The following CEP72 variants were observed in gnomAD, a reference collection of about 807,000 sequenced individuals.
The protein encoded by CEP72 is centrosomal protein 72, also known as centrosomal protein of 72 kDa.
Under a neutral mutation model 65.7 loss-of-function variants are expected in CEP72, and 78 were observed. The observed-to-expected ratio is 1.19, with a 90% CI of 0.99 to 1.43. The LOEUF is 1.43. Among genes scored for constraint, CEP72 ranks in the 40% most tolerant of loss-of-function variants. The probability of loss-of-function intolerance (pLI) is 0.00; values close to 1 mark genes in which losing one functional copy is unlikely to be tolerated. For synonymous variants in CEP72, 358 were observed against 351.7 expected, an observed-to-expected ratio of 1.02 and a Z score of -0.20; for missense variants, 914 against 832.9, an observed-to-expected ratio of 1.10 and a Z score of -1.20.
In CEP72 at chr5:623,968, T is replaced by C. The variant is rs1430543933; in HGVS notation, c.404-503T>C. Among the ~76,000 whole-genome samples the C allele has an allele frequency of 6.6e-6, 1 of 152,134 alleles. No homozygotes were observed. Among genetic ancestry groups the C allele is most frequent in the Admixed American group, 6.5e-5 (1 of 15,278 alleles). ...TTCCAAAGCGCCAAGGTTGAAGGCC[T>C]GGGGACCTTCTTATCTTCAGGGATT... On this transcript the variant is annotated intron_variant, in intron 3 of 11. Transcript: ENST00000264935. This position sits in a 1 kb window ranked among gnomAD's most constrained non-coding sequence, Gnocchi z 5.3.
chr5:672,461 C>A, the CEP72 span, among the ~76,000 whole-genome samples: 1 of 152,264 alleles, frequency 6.6e-6, no homozygotes, highest in East Asian at 1.9e-4. Context: ...GAGGCCAGGG[C>A]TCCCAGCCAG....
At chr5:614,899 C>T (rs1735895110) in intron 1 of CEP72, among the ~76,000 whole-genome samples, 1 of 152,100 alleles carries the variant, frequency 6.6e-6, no homozygotes, top group African/African-American at 2.4e-5. Flanking sequence ...ACATAAATAT[C>T]AATTAGATCC....
intron 11 of CEP72, among the ~76,000 whole-genome samples, chr5:648,421 G>T (rs1738577583): frequency 6.8e-6 from 1 of 147,020 alleles, no homozygotes; most frequent in Admixed American, 6.7e-5. Flanking sequence ...TGACCATGGG[G>T]TGTGGGCTGT....
chr5:612,464 G>A, intron 1 of CEP72, 21 bp downstream of exon 1: 1 of 1,428,740 alleles, frequency 7.0e-7, no homozygotes, highest in Admixed American at 2.7e-5. Context: ...GGGCGGGCGG[G>A]GGTGCAAGCG....
downstream of CEP72, among the ~76,000 whole-genome samples, chr5:653,722 G>A (rs1739257015): frequency 6.6e-6 from 1 of 152,040 alleles, no homozygotes; most frequent in African/African-American, 2.4e-5. Flanking sequence ...ATTGTCTTAT[G>A]ATATTAACAT....
At chr5:652,432 CA>C (rs1473242723) in intron 11 of CEP72, among the ~76,000 whole-genome samples, 3 of 152,218 alleles carry the variant, frequency 2.0e-5, no homozygotes, top group African/African-American at 4.8e-5. Flanking sequence ...TGAGTGTCCT[CA>C]GGTCATCGCT....
chr5:624,674 C>A lies in CEP72; in HGVS notation c.512+95C>A. The stretch of plus-strand genomic sequence containing the variant: ...CGTCATTCACTGTGTGCCGGTCACT[C>A]TCCAGGGGCGGACACCAGGAGGGAG... On this transcript the variant is annotated intron_variant, in intron 4 of 11. Transcript: ENST00000264935. This position sits in a 1 kb window ranked among gnomAD's most constrained non-coding sequence, Gnocchi z 4.7. The A allele has an allele frequency of 1.1e-6, 1 of 923,120 alleles. No individual in the cohort carries two copies. Among genetic ancestry groups the A allele is most frequent in the Non-Finnish European group, 1.8e-6 (1 of 569,326 alleles). The allele number at this position is 923,120 out of a possible 1,614,324, so 57.2% of individuals were successfully genotyped here.
intron 4 of CEP72, chr5:666,256 G>T: frequency 2.0e-6 from 2 of 993,302 alleles, no homozygotes; most frequent in Non-Finnish European, 2.9e-6. Context: ...GGCCGCCCTG[G>T]TAGCACTGCA....
chr5:641,045 C>T, intron 9 of CEP72: 4 of 985,484 alleles, frequency 4.1e-6, no homozygotes, highest in Non-Finnish European at 4.8e-6. Flanking sequence ...AGCTGAAAAC[C>T]TGCATTTATC....
the CEP72 span, among the ~76,000 whole-genome samples, chr5:672,277 C>T: frequency 1.4e-4 from 21 of 151,218 alleles, no homozygotes; most frequent in Non-Finnish European, 2.2e-4. Flanking sequence ...GGAGCCTGGC[C>T]CTGCTGTTCT....
downstream of CEP72, chr5:661,439 TC>T (rs1739603121): frequency 6.6e-6 from 1 of 152,390 alleles, no homozygotes; most frequent in Non-Finnish European, 1.5e-5. Flanking sequence ...ACAGAACCTG[TC>T]CCTGTGTCCT....
intron 1 of CEP72, among the ~76,000 whole-genome samples, chr5:616,814 G>A (rs1285942369): frequency 1.0e-5 from 1 of 99,354 alleles, no homozygotes; most frequent in East Asian, 2.2e-4. Flanking sequence ...GTGTGTGTGT[G>A]TATGTGTGTG....
chr5:612,945 A>G (rs1735767087), intron 1 of CEP72, among the ~76,000 whole-genome samples: 2 of 152,186 alleles, frequency 1.3e-5, no homozygotes. Context: ...TATATTTAGA[A>G]GAGGTTCTGT....
At chr5:668,197 AG>A (rs1321898085), downstream of CEP72, among the ~76,000 whole-genome samples, 9 of 123,440 alleles carry the variant, frequency 7.3e-5, 2 homozygotes, top group African/African-American at 2.7e-4. Flanking sequence ...GGGCGCCGTC[AG>A]GGAAGTACCG....
At position 624,678 on chromosome 5, in the gene CEP72, A is replaced by T; in HGVS notation, c.512+99A>T. The T allele has an allele frequency of 1.1e-6, 1 of 873,098 alleles. No individual in the cohort carries two copies. The highest frequency in any genetic ancestry group is 1.9e-6 in the Non-Finnish European group (1 of 526,022). The allele number at this position is 873,098 out of a possible 1,614,324, so 54.1% of individuals were successfully genotyped here. On this transcript the variant is annotated intron_variant, in intron 4 of 11. Transcript: ENST00000264935. This position sits in a 1 kb window ranked among gnomAD's most constrained non-coding sequence, Gnocchi z 4.7. The stretch of plus-strand genomic sequence containing the variant: ...ATTCACTGTGTGCCGGTCACTCTCC[A>T]GGGGCGGACACCAGGAGGGAGGAAG...
intron 11 of CEP72, among the ~76,000 whole-genome samples, chr5:649,421 C>T (rs1370679090): frequency 7.1e-5 from 6 of 84,294 alleles, no homozygotes; most frequent in Non-Finnish European, 8.4e-5. Context: ...GACTGTGAGG[C>T]GTGGACTGTG....
chr5:641,757 T>G, intron 9 of CEP72: 3 of 981,576 alleles, frequency 3.1e-6, no homozygotes, highest in Non-Finnish European at 3.6e-6. Flanking sequence ...CAGAAGCCTG[T>G]GCATTTAAGC....
exon 4 of CEP72, chr5:665,995 T>A: frequency 4.2e-6 from 6 of 1,428,678 alleles, no homozygotes; most frequent in Non-Finnish European, 5.6e-6. Context: ...GATGGGCGCC[T>A]TGCCCTCGAT....
chr5:649,679 C>T (rs1408604127), intron 11 of CEP72, among the ~76,000 whole-genome samples: 2 of 82,014 alleles, frequency 2.4e-5, no homozygotes, highest in Admixed American at 1.5e-4. Context: ...GAGGCGTGGA[C>T]TGTGAGGCGT....
Sources: gnomAD v4.1 joint callset for allele counts (sites outside exome capture counted in the v4.1 genomes callset) on GRCh38, gnomAD v4.1.1 for gene constraint, Gnocchi (gnomAD v3.1) non-coding constraint, MANE v1.5 for transcripts, NCBI Gene and HGNC (gene_info 2026-07-23, HGNC 2026-07-21) for gene names.